The following CHN1 variants were observed in gnomAD, a reference collection of about 807,000 sequenced individuals.
The protein encoded by CHN1 is chimerin 1.
CHN1 carries 37 observed loss-of-function variants against 59.5 expected under a neutral mutation model. The observed-to-expected ratio is 0.62, with a 90% confidence interval of 0.48 to 0.82. The LOEUF is 0.82. Ranked by LOEUF, CHN1 falls within the 40% of genes least tolerant of loss-of-function variation. The pLI, the probability that CHN1 is intolerant of heterozygous loss-of-function variation, is 0.00. For synonymous variants in CHN1, 206 were observed against 200.4 expected, an observed-to-expected ratio of 1.03 and a Z score of -0.24; for missense variants, 469 against 571.0, an observed-to-expected ratio of 0.82 and a Z score of 1.82.
chr2:174,802,132 C>A, intron 11 of CHN1: 1 of 286,286 alleles, frequency 3.5e-6, no homozygotes, highest in Non-Finnish European at 6.9e-6. Flanking sequence ...AAAATTCAGA[C>A]GTGTCGACAC....
At chr2:174,809,903 G>A (rs1490890707) in intron 10 of CHN1, among the ~76,000 whole-genome samples, 1 of 152,164 alleles carries the variant, frequency 6.6e-6, no homozygotes, top group South Asian at 2.1e-4. Flanking sequence ...TTCCACCAAA[G>A]GACAAAATGT....
intron 8 of CHN1, among the ~76,000 whole-genome samples, chr2:174,818,885 TACTG>T (rs781521530): frequency 2.6e-5 from 4 of 152,320 alleles, no homozygotes; most frequent in South Asian, 2.1e-4. Flanking sequence ...GAATAGCTGA[TACTG>T]ACATTCTATT....
chr2:174,969,157 T>C (rs1690679131), intron 1 of CHN1, among the ~76,000 whole-genome samples: 1 of 152,226 alleles, frequency 6.6e-6, no homozygotes, highest in African/African-American at 2.4e-5. Flanking sequence ...GCTACTGTTA[T>C]TAATATTTAC....
chr2:174,965,324 T>C (rs947806429), intron 1 of CHN1, among the ~76,000 whole-genome samples: 7 of 152,124 alleles, frequency 4.6e-5, no homozygotes, highest in Admixed American at 6.5e-5. Flanking sequence ...TGTATCATTA[T>C]ATAATCTATA....
At chr2:174,823,594 C>A (rs923338291) in intron 8 of CHN1, among the ~76,000 whole-genome samples, 2 of 151,020 alleles carry the variant, frequency 1.3e-5, no homozygotes, top group Non-Finnish European at 1.5e-5. Context: ...ACCTGGGAGG[C>A]GGAGCTTGCA....
chr2:174,896,925 C>T (rs1558971991), intron 5 of CHN1, among the ~76,000 whole-genome samples: 3 of 152,032 alleles, frequency 2.0e-5, no homozygotes, highest in Non-Finnish European at 2.9e-5. Flanking sequence ...TTTACCTATA[C>T]TGTAAATATA....
intron 7 of CHN1, among the ~76,000 whole-genome samples, chr2:174,833,410 T>C (rs1042703755): frequency 1.3e-5 from 2 of 152,242 alleles, no homozygotes; most frequent in Admixed American, 6.5e-5. Flanking sequence ...TTGCTAGATA[T>C]AGAATTCTAG....
chr2:174,855,025 G>A (rs910307258), intron 6 of CHN1, among the ~76,000 whole-genome samples: 1 of 152,106 alleles, frequency 6.6e-6, no homozygotes, highest in Non-Finnish European at 1.5e-5. Flanking sequence ...ATAGGAAAGG[G>A]TCTTATCAAT....
intron 7 of CHN1, among the ~76,000 whole-genome samples, chr2:174,830,425 C>T (rs922190467): frequency 6.6e-6 from 1 of 152,048 alleles, no homozygotes; most frequent in African/African-American, 2.4e-5. Flanking sequence ...CAAGGCAATA[C>T]CTTCTTGCCT....
chr2:174,980,158 A>T (rs533843330), intron 1 of CHN1, among the ~76,000 whole-genome samples: 4 of 152,206 alleles, frequency 2.6e-5, no homozygotes, highest in African/African-American at 4.8e-5. Context: ...TGAGAATAAG[A>T]GAGGCTATTA....
chr2:174,873,015 A>G (rs374706314), intron 6 of CHN1, among the ~76,000 whole-genome samples: 4 of 127,740 alleles, frequency 3.1e-5, no homozygotes, highest in Admixed American at 8.5e-5. Flanking sequence ...ACAGACTAAT[A>G]TATACTTTTT....
chr2:174,811,963 T>G, intron 9 of CHN1: 1 of 240,350 alleles, frequency 4.2e-6, no homozygotes, highest in Non-Finnish European at 7.9e-6. Flanking sequence ...GCTTTATAGA[T>G]AGTTTTAGTA....
At chr2:174,870,454 T>C (rs1687373201) in intron 6 of CHN1, among the ~76,000 whole-genome samples, 1 of 152,108 alleles carries the variant, frequency 6.6e-6, no homozygotes, top group Admixed American at 6.6e-5. Context: ...CTCTGAGAGG[T>C]GCAAATACTA....
At chr2:174,882,709 T>G (rs993152872) in intron 5 of CHN1, among the ~76,000 whole-genome samples, 9 of 152,212 alleles carry the variant, frequency 5.9e-5, no homozygotes, top group Non-Finnish European at 1.3e-4. Context: ...CAGTTTTATT[T>G]ATCATAAATA....
rs114966711 is a variant in CHN1 at position 174,878,563 on chromosome 2, T to C, written c.261-435A>G. Among the ~76,000 whole-genome samples the C allele has an allele frequency of 2.9e-3, 447 of 152,348 alleles. 1 individual carries two copies. Among genetic ancestry groups the C allele is most frequent in the Non-Finnish European group, 3.5e-3 (240 of 68,046 alleles). On this transcript the variant is annotated intron_variant, in intron 5 of 12. Transcript: ENST00000409900. ...AATGTACTTTAGACCTCAGCAGTCA[T>C]GTATTTTAATAGGAAAGCTCCATTT...
At chr2:175,000,367 G>A (rs139310738) in intron 1 of CHN1, among the ~76,000 whole-genome samples, 93 of 151,380 alleles carry the variant, frequency 6.1e-4, no homozygotes, top group Admixed American at 2.0e-3. Context: ...TTGAACTCCC[G>A]ACCTCAAGTG....
chr2:174,905,147 T>C (rs1688508644), intron 5 of CHN1, among the ~76,000 whole-genome samples: 1 of 152,186 alleles, frequency 6.6e-6, no homozygotes, highest in Non-Finnish European at 1.5e-5. Context: ...TCCAAATCAT[T>C]CACAGAAAAG....
At chr2:174,929,111 T>C (rs558278458) in intron 3 of CHN1, among the ~76,000 whole-genome samples, 95 of 152,354 alleles carry the variant, frequency 6.2e-4, no homozygotes, top group African/African-American at 2.2e-3. Flanking sequence ...TACAGCATTC[T>C]AGTTACCAGT....
chr2:174,955,180 A>ATATC (rs1421748972), intron 1 of CHN1, among the ~76,000 whole-genome samples: 104 of 9,326 alleles, frequency 0.011, no homozygotes, highest in Non-Finnish European at 3.2e-3. Context: ...CTATATATCT[A>ATATC]TATCTATATA....
Sources: gnomAD v4.1 joint callset for allele counts (sites outside exome capture counted in the v4.1 genomes callset) on GRCh38, gnomAD v4.1.1 for gene constraint, MANE v1.5 for transcripts, NCBI Gene and HGNC (gene_info 2026-07-23, HGNC 2026-07-21) for gene names.